KALRN: variants seen among roughly 807,000 people sequenced by gnomAD.
KALRN encodes kalirin.
A neutral mutation model predicts 353.7 loss-of-function variants in KALRN; 70 were observed. The observed-to-expected ratio is 0.20, with a 90% CI of 0.16 to 0.24. KALRN has a LOEUF of 0.24. KALRN is among the 10% of genes least tolerant of loss of function. KALRN has a pLI of 1.00. For missense variants in KALRN, 2,791 were observed against 3,756.7 expected (o/e 0.74, Z 6.72); for synonymous variants, 1,391 against 1,434.8 (o/e 0.97, Z 0.69).
intron 33 of KALRN, among the ~76,000 whole-genome samples, chr3:124,534,781 T>C (rs1316226529): frequency 1.4e-5 from 1 of 73,900 alleles, no homozygotes. Context: ...CTTCCTGGCC[T>C]GAAACAATTT....
intron 1 of KALRN, among the ~76,000 whole-genome samples, chr3:124,142,446 G>A (rs1473412909): frequency 6.6e-6 from 1 of 152,258 alleles, no homozygotes; most frequent in Non-Finnish European, 1.5e-5. Flanking sequence ...GGTCAACTAT[G>A]TGTGTGAGTC....
intron 33 of KALRN, among the ~76,000 whole-genome samples, chr3:124,551,882 A>G (rs2070583361): frequency 6.6e-6 from 1 of 152,172 alleles, no homozygotes; most frequent in Admixed American, 6.5e-5. Flanking sequence ...GCTGGTGAAG[A>G]AGAATAAGTG....
intron 1 of KALRN, among the ~76,000 whole-genome samples, chr3:124,088,166 G>A (rs977311611): frequency 7.9e-5 from 12 of 151,900 alleles, no homozygotes; most frequent in South Asian, 2.1e-4. Flanking sequence ...TGGACTTTTC[G>A]GGATGCCAAA....
chr3:124,698,018 G>A (rs1257447674), intron 55 of KALRN, among the ~76,000 whole-genome samples: 1 of 152,034 alleles, frequency 6.6e-6, no homozygotes, highest in Admixed American at 6.5e-5. Context: ...AACCCAGGCT[G>A]GAGTGCAGTG....
At chr3:124,372,302 T>C (rs1487475144) in intron 10 of KALRN, among the ~76,000 whole-genome samples, 14 of 152,158 alleles carry the variant, frequency 9.2e-5, no homozygotes, top group Admixed American at 9.2e-4. Context: ...AGCAAGGAAA[T>C]AGTGGAAAAG....
intron 34 of KALRN, among the ~76,000 whole-genome samples, chr3:124,598,915 A>C (rs992345897): frequency 6.6e-6 from 1 of 152,172 alleles, no homozygotes; most frequent in African/African-American, 2.4e-5. Flanking sequence ...GGCTCAAGCA[A>C]TCTGCCCACC....
chr3:124,590,963 G>A (rs114018645), intron 34 of KALRN, among the ~76,000 whole-genome samples: 1,552 of 152,190 alleles, frequency 0.01, 32 homozygotes, highest in African/African-American at 0.036. Context: ...TCATTCCTGG[G>A]CATGTGGCTT....
At chr3:124,245,724 T>A (rs2081050557) in intron 3 of KALRN, among the ~76,000 whole-genome samples, 1 of 152,098 alleles carries the variant, frequency 6.6e-6, no homozygotes. Flanking sequence ...TGAGGTGAGA[T>A]GATATCTTAT....
chr3:124,034,362 C>G (rs2039205060), intron 1 of KALRN, among the ~76,000 whole-genome samples: 1 of 152,146 alleles, frequency 6.6e-6, no homozygotes, highest in African/African-American at 2.4e-5. Context: ...GTGTGGGGAG[C>G]TGGTCCCTCT....
At chr3:124,320,709 G>A (rs1180467082) in intron 6 of KALRN, among the ~76,000 whole-genome samples, 1 of 152,206 alleles carries the variant, frequency 6.6e-6, no homozygotes, top group African/African-American at 2.4e-5. Flanking sequence ...AGGTATGGAA[G>A]GACATTGTAT....
At chr3:124,099,083 C>G (rs142296367) in intron 1 of KALRN, among the ~76,000 whole-genome samples, 2 of 152,342 alleles carry the variant, frequency 1.3e-5, no homozygotes, top group East Asian at 3.9e-4. Context: ...GGCTATCCAT[C>G]ACCTCGAACG....
At chr3:124,677,710 GAGGTAGAACTCTCAATGTCATCCTTTT>G (rs2087339816) in intron 49 of KALRN, 1 of 423,822 alleles carries the variant, frequency 2.4e-6, no homozygotes, top group Non-Finnish European at 4.7e-6. Flanking sequence ...TACAAATCAT[GAGGTAGAACTCTCAATGTCATCCTTTT>G]AGGTCTTTCT....
At chr3:124,615,889 TC>T (rs1206821334) in intron 34 of KALRN, among the ~76,000 whole-genome samples, 2 of 152,126 alleles carry the variant, frequency 1.3e-5, no homozygotes, top group Non-Finnish European at 2.9e-5. Context: ...CTCAATCTTG[TC>T]TACTGCTTTT....
intron 1 of KALRN, among the ~76,000 whole-genome samples, chr3:124,116,424 C>G (rs1247549098): frequency 1.3e-5 from 2 of 152,160 alleles, no homozygotes; most frequent in African/African-American, 4.8e-5. Flanking sequence ...AGTATAGATC[C>G]TATCTTACAG....
intron 50 of KALRN, 99 bp from the exon 51 acceptor site, chr3:124,679,359 C>T (rs1346505537): frequency 6.0e-6 from 6 of 996,458 alleles, no homozygotes; most frequent in Admixed American, 4.2e-5. Flanking sequence ...AAGATCCCAT[C>T]GCCCATGCTT....
At chr3:124,567,937 T>C (rs763093387) in intron 34 of KALRN, among the ~76,000 whole-genome samples, 2 of 151,974 alleles carry the variant, frequency 1.3e-5, no homozygotes, top group African/African-American at 2.4e-5. Flanking sequence ...TTCACGCCAC[T>C]GCACTCCAGC....
At chr3:124,269,860 A>G (rs968345270) in intron 5 of KALRN, among the ~76,000 whole-genome samples, 10 of 152,200 alleles carry the variant, frequency 6.6e-5, no homozygotes, top group Admixed American at 1.3e-4. Context: ...CAGAGCTGAC[A>G]TCTGAATCCA....
At position 124,245,832 on chromosome 3, in the gene KALRN, A is replaced by G. The variant is rs191118252; in HGVS notation, c.263+10889A>G. 7.2e-5 allele frequency among the ~76,000 whole-genome samples: 11 copies of G among 152,168 alleles called. No homozygotes were observed. In the East Asian group the frequency reaches 1.9e-3, roughly 27 times the overall value. The stretch of plus-strand genomic sequence containing the variant: ...GTATATCTTCTTTTGAGAAATGTCT[A>G]TTCGGATCTTTTGCCCATGTTTTAA... On this transcript the variant is annotated intron_variant, in intron 3 of 59. Transcript: ENST00000682506.
intron 5 of KALRN, among the ~76,000 whole-genome samples, chr3:124,287,819 ATATATATG>A (rs1284279303): frequency 8.1e-3 from 361 of 44,612 alleles, no homozygotes; most frequent in Non-Finnish European, 0.015. Flanking sequence ...ATATATATAT[ATATATATG>A]TATATAATTT....
Sources: gnomAD v4.1 joint callset for allele counts (sites outside exome capture counted in the v4.1 genomes callset) on GRCh38, gnomAD v4.1.1 for gene constraint, MANE v1.5 for transcripts, NCBI Gene and HGNC (gene_info 2026-07-23, HGNC 2026-07-21) for gene names.